GRM7: variants seen among roughly 807,000 people sequenced by gnomAD.
GRM7 encodes the protein glutamate metabotropic receptor 7.
In GRM7, 35 loss-of-function variants were observed where a neutral mutation model predicts 84.5. The observed-to-expected ratio is 0.41, with a 90% CI of 0.32 to 0.55. The LOEUF is 0.55. Among genes scored for constraint, GRM7 ranks in the 20% least tolerant of loss-of-function variants. The pLI is 0.19. For synonymous variants in GRM7, 487 were observed against 455.1 expected (o/e 1.07, Z -0.89); for missense variants, 1,003 against 1,194.6 (o/e 0.84, Z 2.36).
At chr3:7,450,964 C>T (rs1575354660) in intron 5 of GRM7, among the ~76,000 whole-genome samples, 1 of 152,086 alleles carries the variant, frequency 6.6e-6, no homozygotes, top group East Asian at 1.9e-4. Flanking sequence ...GTGAAGCAAC[C>T]TAAAACATTT....
At chr3:7,054,462 T>A (rs1697141845) in intron 1 of GRM7, among the ~76,000 whole-genome samples, 1 of 151,440 alleles carries the variant, frequency 6.6e-6, no homozygotes, top group Non-Finnish European at 1.5e-5. Flanking sequence ...CTTGTCTGAG[T>A]GCACTGGGAT....
chr3:7,739,702 G>A (rs768839884), intron 9 of GRM7, among the ~76,000 whole-genome samples: 3 of 152,166 alleles, frequency 2.0e-5, no homozygotes, highest in Non-Finnish European at 4.4e-5. Flanking sequence ...GTGAGTGAAG[G>A]TGAGTCCTGA....
rs376114015 is a variant in GRM7 at position 7,694,876 on chromosome 3, G to A, written c.2698+14581G>A. ...TACTTCGGTCTAATTTAAATCATTT[G>A]TTCCCCTAACCTGGTGGGCATCAAA... On this transcript the variant is annotated intron_variant, in intron 9 of 9. Coordinates refer to ENST00000357716, the MANE Select transcript of GRM7 (RefSeq NM_000844.4). Among the ~76,000 whole-genome samples the A allele has an allele frequency of 4.6e-5, 7 of 152,216 alleles. No homozygotes were observed. In the East Asian group the frequency reaches 5.8e-4, roughly 13 times the overall value.
At chr3:7,164,181 A>G (rs1040529928) in intron 2 of GRM7, among the ~76,000 whole-genome samples, 1 of 152,156 alleles carries the variant, frequency 6.6e-6, no homozygotes, top group African/African-American at 2.4e-5. Flanking sequence ...CAACATGGTG[A>G]AACCCCATCC....
At chr3:7,318,952 G>A (rs139132809) in intron 4 of GRM7, among the ~76,000 whole-genome samples, 57 of 152,110 alleles carry the variant, frequency 3.7e-4, no homozygotes, top group African/African-American at 1.1e-3. Flanking sequence ...CCAATTTGTC[G>A]TTTGGATTTT....
In GRM7 at chr3:7,064,496, A is replaced by ATG. The variant is rs1398800198; in HGVS notation, c.520-81955_520-81954insGT. On this transcript the variant is annotated intron_variant, in intron 1 of 9. Coordinates refer to ENST00000357716, the MANE Select transcript of GRM7 (RefSeq NM_000844.4). Reference sequence around the variant, plus strand: ...TATATATATACACACATATACATATATATATACACATATATATATATACAC... The same window carrying ATG: ...TATATATATACACACATATACATATATGTATATACACATATATATATATACAC... Among the ~76,000 whole-genome samples, 58 of 107,004 alleles carry ATG rather than the reference A, an allele frequency of 5.4e-4. 3 individuals carry two copies. The South Asian group carries it at 0.018, about 33-fold the overall frequency. The allele number at this position is 107,004 out of a possible 152,430, so 70.2% of individuals were successfully genotyped here.
At chr3:7,422,503 A>G (rs1489375004) in intron 5 of GRM7, among the ~76,000 whole-genome samples, 1 of 152,202 alleles carries the variant, frequency 6.6e-6, no homozygotes, top group Non-Finnish European at 1.5e-5. Flanking sequence ...AGGAGCTTAT[A>G]CCAGCATTTA....
At chr3:7,463,489 C>T (rs188993664) in intron 7 of GRM7, among the ~76,000 whole-genome samples, 182 of 152,110 alleles carry the variant, frequency 1.2e-3, no homozygotes, top group Non-Finnish European at 2.0e-3. Flanking sequence ...CTGCAAGAGT[C>T]AATGTGTAGG....
chr3:6,864,477 G>A (rs920157886), intron 1 of GRM7, among the ~76,000 whole-genome samples: 1 of 152,128 alleles, frequency 6.6e-6, no homozygotes, highest in Non-Finnish European at 1.5e-5. Context: ...CACACCCATT[G>A]TTCAAAGGCA....
intron 5 of GRM7, among the ~76,000 whole-genome samples, chr3:7,425,112 G>T (rs957346144): frequency 6.6e-6 from 1 of 152,024 alleles, no homozygotes; most frequent in African/African-American, 2.4e-5. Context: ...TCGTAGTTTT[G>T]CTTCTATAGC....
intron 8 of GRM7, among the ~76,000 whole-genome samples, chr3:7,658,886 GATA>G (rs1459781693): frequency 6.6e-6 from 1 of 152,042 alleles, no homozygotes; most frequent in Non-Finnish European, 1.5e-5. Flanking sequence ...TTTATAAAAA[GATA>G]ATAAAACATG....
At chr3:7,602,371 T>C (rs1027642499) in intron 8 of GRM7, among the ~76,000 whole-genome samples, 2 of 152,170 alleles carry the variant, frequency 1.3e-5, no homozygotes, top group East Asian at 3.9e-4. Flanking sequence ...CACAGCTCTT[T>C]TCTGTTTTCT....
intron 4 of GRM7, among the ~76,000 whole-genome samples, chr3:7,341,370 CA>C: frequency 7.5e-6 from 1 of 133,014 alleles, no homozygotes; most frequent in African/African-American, 3.5e-5. Flanking sequence ...AAATTCAACT[CA>C]TGTTTTTTTT....
intron 3 of GRM7, 35 bp from the exon 4 acceptor site, chr3:7,306,463 A>T: frequency 6.3e-7 from 1 of 1,588,578 alleles, no homozygotes; most frequent in Non-Finnish European, 8.6e-7. Flanking sequence ...GACGTTCTTT[A>T]TCATTAATAT....
At chr3:6,882,669 A>T (rs1161194368) in intron 1 of GRM7, among the ~76,000 whole-genome samples, 2 of 152,244 alleles carry the variant, frequency 1.3e-5, no homozygotes, top group East Asian at 3.8e-4. Flanking sequence ...AATGCAAGCA[A>T]ATATATAATA....
intron 8 of GRM7, among the ~76,000 whole-genome samples, chr3:7,589,868 G>A (rs1458983145): frequency 2.0e-5 from 3 of 152,160 alleles, no homozygotes; most frequent in East Asian, 1.9e-4. Context: ...TAATGTGCCT[G>A]TGTGCTCCCA....
chr3:7,064,696 C>G (rs1202527980), intron 1 of GRM7, among the ~76,000 whole-genome samples: 1 of 151,088 alleles, frequency 6.6e-6, no homozygotes, highest in Non-Finnish European at 1.5e-5. Context: ...TCTTCTTTTC[C>G]TCTGGGTAGA....
At chr3:7,454,865 G>A (rs73117412) in intron 6 of GRM7, among the ~76,000 whole-genome samples, 2,611 of 152,022 alleles carry the variant, frequency 0.017, 78 homozygotes, top group African/African-American at 0.059. Flanking sequence ...TCCCTGAGAG[G>A]GCCTGAGAGC....
At chr3:7,552,723 C>G (rs1575485732) in intron 7 of GRM7, among the ~76,000 whole-genome samples, 1 of 152,196 alleles carries the variant, frequency 6.6e-6, no homozygotes, top group Non-Finnish European at 1.5e-5. Flanking sequence ...ATGCAGGGCA[C>G]CAAGTCCTGA....
Sources: gnomAD v4.1 joint callset for allele counts (sites outside exome capture counted in the v4.1 genomes callset) on GRCh38, gnomAD v4.1.1 for gene constraint, MANE v1.5 for transcripts, NCBI Gene and HGNC (gene_info 2026-07-23, HGNC 2026-07-21) for gene names.